Variants in COL22A1 observed in about 807,000 individuals in gnomAD.
COL22A1 encodes the protein collagen alpha-1(XXII) chain.
In COL22A1, 221 loss-of-function variants were observed where a neutral mutation model predicts 248.9. The ratio of observed to expected loss-of-function variants is 0.89; its 90% CI spans 0.80 to 0.99. COL22A1 has a LOEUF of 0.99. COL22A1 is among the 50% of genes least tolerant of loss of function. The probability of loss-of-function intolerance (pLI) is 0.00; values close to 1 mark genes in which losing one functional copy is unlikely to be tolerated. For missense variants in COL22A1, 2,240 were observed against 2,179.0 expected (o/e 1.03, Z -0.56); for synonymous variants, 891 against 793.4 (o/e 1.12, Z -2.07).
intron 27 of COL22A1, among the ~76,000 whole-genome samples, chr8:138,720,054 C>A (rs905929744): frequency 6.6e-6 from 1 of 152,194 alleles, no homozygotes. Flanking sequence ...CACAGGGCAG[C>A]AGTCACTCCT....
At position 138,737,586 on chromosome 8, in the gene COL22A1, A is replaced by G; in HGVS notation, c.2086-9T>C. On this transcript the variant is annotated splice_polypyrimidine_tract_variant and intron_variant, in intron 22 of 64. Transcript: ENST00000303045. The stretch of plus-strand genomic sequence containing the variant: ...ATGTCACCTTTCTTCCCCTGAGTGT[A>G]AAAGAAGAAGCTAAAATTAACAAGC... 6.2e-7 allele frequency: 1 copy of G among 1,602,182 alleles called. No homozygotes were observed. Among genetic ancestry groups the G allele is most frequent in the African/African-American group, 1.3e-5 (1 of 74,750 alleles).
chr8:138,713,793 G>A (rs1829224530), intron 30 of COL22A1, among the ~76,000 whole-genome samples: 1 of 151,848 alleles, frequency 6.6e-6, no homozygotes, highest in South Asian at 2.1e-4. Flanking sequence ...TATGTTTTCT[G>A]ATCAGCACAG....
At chr8:138,656,400 C>G (rs1823267770) in intron 44 of COL22A1, among the ~76,000 whole-genome samples, 1 of 152,198 alleles carries the variant, frequency 6.6e-6, no homozygotes, top group Non-Finnish European at 1.5e-5. Context: ...CTTCAGCTCT[C>G]CCAGGTGAAA....
At position 138,598,860 on chromosome 8, in the gene COL22A1, A is replaced by T; in HGVS notation, c.4224T>A (p.Gly1408=). Residue 1408 remains glycine (G), a synonymous_variant, in exon 61 of 65, where the codon GGT becomes GGA. Coordinates refer to ENST00000303045, the MANE Select transcript of COL22A1 (RefSeq NM_152888.3). ...PGIKGDKGPP[G]GKGQPGDPGI... ...CAGGGTCCCCAGGCTGGCCTTTTCC[A>T]CCAGGAGGTCCTTTGTCACCTTTGA... The T allele has an allele frequency of 1.2e-6, 2 of 1,614,038 alleles. No individual in the cohort carries two copies. Among genetic ancestry groups the T allele is most frequent in the Non-Finnish European group, 1.7e-6 (2 of 1,180,002 alleles).
At chr8:138,783,054 C>A (rs1815168406) in intron 12 of COL22A1, among the ~76,000 whole-genome samples, 1 of 152,038 alleles carries the variant, frequency 6.6e-6, no homozygotes, top group Admixed American at 6.5e-5. Context: ...TAATCCTGGG[C>A]CCTGAGGGGT....
rs1243591769 is a variant in COL22A1 at position 138,720,782 on chromosome 8, C to A, written c.2312G>T (p.Gly771Val). ...AGGCAGACCATCTTCCCCTCTTTCT[C>A]CTGGTTCTCCCTGGAAGGAATACAG... is the stretch of plus-strand genomic sequence containing the variant. ...PGPPGTKGEP[G>V]ERGEDGLPGK... Residue 771 changes from glycine (G) to valine (V), a missense_variant, in exon 27 of 65, where the codon GGA becomes GTA. Coordinates refer to ENST00000303045, the MANE Select transcript of COL22A1 (RefSeq NM_152888.3). 2 of 1,613,658 alleles carry A rather than the reference C, an allele frequency of 1.2e-6. No homozygotes were observed. Among genetic ancestry groups the A allele is most frequent in the South Asian group, 2.2e-5 (2 of 91,060 alleles).
At chr8:138,849,155 G>C (rs6984777) in intron 3 of COL22A1, among the ~76,000 whole-genome samples, 1 of 152,184 alleles carries the variant, frequency 6.6e-6, no homozygotes, top group Admixed American at 6.5e-5. Flanking sequence ...CAAGGATCAT[G>C]TTCATAAGGA....
intron 47 of COL22A1, among the ~76,000 whole-genome samples, chr8:138,637,440 C>G (rs569003876): frequency 6.6e-6 from 1 of 152,264 alleles, no homozygotes; most frequent in Admixed American, 6.5e-5. Flanking sequence ...ACTAAAACTG[C>G]TCAAGTTGTT....
rs140612709 is a variant in COL22A1 at position 138,724,819 on chromosome 8, G to A, written c.2194-151C>T. The stretch of plus-strand genomic sequence containing the variant: ...TCCTTGGTCATCCGCTGTGAAACGC[G>A]GAGTTGTTGCACCTCTGAAGTTGAC... On this transcript the variant is annotated intron_variant, in intron 24 of 64. Transcript: ENST00000303045. 1.5e-3 allele frequency: 1,040 copies of A among 709,236 alleles called. 2 individuals carry two copies. Among genetic ancestry groups the A allele is most frequent in the Non-Finnish European group, 2.3e-3 (924 of 409,244 alleles). The allele number at this position is 709,236 out of a possible 1,614,324, so 43.9% of individuals were successfully genotyped here.
intron 1 of COL22A1, among the ~76,000 whole-genome samples, chr8:138,885,752 G>A (rs1824618284): frequency 6.6e-6 from 1 of 151,984 alleles, no homozygotes; most frequent in African/African-American, 2.4e-5. Flanking sequence ...TAATAGAGAT[G>A]AGGTTACTCC....
chr8:138,703,499 G>GATAC (rs1828140564), intron 30 of COL22A1, 152 bp from the exon 31 acceptor site: 2 of 633,092 alleles, frequency 3.2e-6, no homozygotes, highest in Non-Finnish European at 5.7e-6. Context: ...TACCTTGATA[G>GATAC]ATACATACAT....
intron 22 of COL22A1, among the ~76,000 whole-genome samples, chr8:138,738,619 C>T (rs949836465): frequency 1.3e-5 from 2 of 152,128 alleles, no homozygotes; most frequent in Non-Finnish European, 2.9e-5. Flanking sequence ...GACGAGTGTG[C>T]AAATCGAGGC....
intron 52 of COL22A1, chr8:138,620,328 T>A (rs1354043633): frequency 3.9e-5 from 6 of 151,958 alleles, no homozygotes; most frequent in Non-Finnish European, 1.5e-5. Context: ...GTCCACCTCA[T>A]GTTTACAAGT....
intron 44 of COL22A1, among the ~76,000 whole-genome samples, chr8:138,659,198 C>T (rs145053582): frequency 3.4e-4 from 52 of 152,216 alleles, no homozygotes; most frequent in African/African-American, 1.2e-3. Flanking sequence ...TTAAGATGTC[C>T]CTAACTTCCA....
At chr8:138,638,656 A>G (rs1172038243) in intron 47 of COL22A1, among the ~76,000 whole-genome samples, 49 of 152,220 alleles carry the variant, frequency 3.2e-4, no homozygotes, top group Non-Finnish European at 5.9e-5. Context: ...TCAGAGAGAA[A>G]GAGCATTTCT....
chr8:138,619,482 T>G lies in COL22A1; in HGVS notation c.3798A>C (p.Pro1266=). 2.5e-6 allele frequency: 4 copies of G among 1,614,172 alleles called. No individual in the cohort carries two copies. Among genetic ancestry groups the G allele is most frequent in the Non-Finnish European group, 3.4e-6 (4 of 1,180,002 alleles). Reference sequence around the variant, plus strand: ...GTGGGCCTCGGGCACCCTCTGGTCCTGGTAGACCTGGCTCTCCTGCTTTGC... The same window carrying G: ...GTGGGCCTCGGGCACCCTCTGGTCCGGGTAGACCTGGCTCTCCTGCTTTGC... ...EPGKAGEPGL[P]GPEGARGPPG... The change falls in exon 53 of 65, where the codon CCA becomes CCC. Residue 1266 remains proline (P), a synonymous_variant. Transcript: ENST00000303045.
intron 10 of COL22A1, among the ~76,000 whole-genome samples, chr8:138,804,216 G>A (rs1455854300): frequency 4.6e-5 from 7 of 152,266 alleles, no homozygotes; most frequent in African/African-American, 9.6e-5. Flanking sequence ...GACAGAGCCC[G>A]AGCTCTGTGT....
At position 138,598,670 on chromosome 8, in the gene COL22A1, C is replaced by T. The variant is rs778922128; in HGVS notation, c.4365+49G>A. Reference sequence around the variant, plus strand: ...AAGTCCACACACTTCCCTGGCTCCCCCTTAGGCCCCGAGGAGCCCCGAGTC... The same window carrying T: ...AAGTCCACACACTTCCCTGGCTCCCTCTTAGGCCCCGAGGAGCCCCGAGTC... On this transcript the variant is annotated intron_variant, in intron 61 of 64. Coordinates refer to ENST00000303045, the MANE Select transcript of COL22A1 (RefSeq NM_152888.3). 11 of 1,561,046 alleles carry T rather than the reference C, an allele frequency of 7.0e-6. No homozygotes were observed. In the Admixed American group the frequency reaches 2.1e-4, roughly 30 times the overall value.
chr8:138,833,032 C>CA lies in COL22A1; in HGVS notation c.845+6dup. 1 of 1,574,984 alleles carries CA rather than the reference C, an allele frequency of 6.3e-7. No individual in the cohort carries two copies. The highest frequency in any genetic ancestry group is 8.7e-7 in the Non-Finnish European group (1 of 1,144,462). On this transcript the variant is annotated splice_region_variant and intron_variant, in intron 5 of 64. Coordinates refer to ENST00000303045, the MANE Select transcript of COL22A1 (RefSeq NM_152888.3). ...GGGCAGGTCTGGAAAGAGAAGTGGC[C>CA]ACTCACTCAGTACTTTGCACCACAG...
Sources: gnomAD v4.1 joint callset for allele counts (sites outside exome capture counted in the v4.1 genomes callset) on GRCh38, gnomAD v4.1.1 for gene constraint, MANE v1.5 for transcripts, NCBI Gene and HGNC (gene_info 2026-07-23, HGNC 2026-07-21) for gene names.